The following PIBF1 variants were observed in gnomAD, a reference collection of about 807,000 sequenced individuals.
PIBF1 encodes the protein progesterone immunomodulatory binding factor 1, also known as progesterone-induced-blocking factor 1.
Under a neutral mutation model 112.5 loss-of-function variants are expected in PIBF1, and 90 were observed. The observed-to-expected ratio is 0.80, with a 90% CI of 0.67 to 0.95. PIBF1 has a LOEUF of 0.95. PIBF1 is among the 40% of genes least tolerant of loss of function. The probability of loss-of-function intolerance (pLI) is 0.00; values close to 1 mark genes in which losing one functional copy is unlikely to be tolerated. For missense variants in PIBF1, 915 were observed against 852.3 expected, an observed-to-expected ratio of 1.07 and a Z score of -0.92; for synonymous variants, 301 against 288.6, an observed-to-expected ratio of 1.04 and a Z score of -0.44.
intron 9 of PIBF1, among the ~76,000 whole-genome samples, chr13:72,850,784 AT>A (rs1370654441): frequency 7.2e-6 from 1 of 138,416 alleles, no homozygotes; most frequent in Non-Finnish European, 1.6e-5. Flanking sequence ...TATAACATTA[AT>A]TTTTTATGTT....
intron 14 of PIBF1, among the ~76,000 whole-genome samples, chr13:72,954,344 G>C (rs1247914065): frequency 6.6e-6 from 1 of 152,206 alleles, no homozygotes; most frequent in African/African-American, 2.4e-5. Flanking sequence ...AAGCAGGGGC[G>C]CCCAACTTCT....
At position 72,827,945 on chromosome 13, in the gene PIBF1, GA is replaced by G. The variant is rs2036900442; in HGVS notation, c.1097+32del. 1.0e-5 allele frequency: 15 copies of G among 1,449,172 alleles called. No individual in the cohort carries two copies. In the East Asian group the frequency reaches 3.6e-4, roughly 35 times the overall value. 89.8% of individuals were successfully genotyped at this position (1,449,172 alleles called of 1,614,324 possible). On this transcript the variant is annotated intron_variant, in intron 8 of 17. Transcript: ENST00000326291. ...ATTTGCATTATTTCCCACGTAAATA[GA>G]TACCAATTAACAGATTTTCTTTGAG... is the stretch of plus-strand genomic sequence containing the variant.
intron 12 of PIBF1, among the ~76,000 whole-genome samples, chr13:72,910,346 CTCA>C (rs1485459708): frequency 3.3e-5 from 5 of 152,088 alleles, no homozygotes; most frequent in African/African-American, 2.4e-5. Flanking sequence ...CATGATTAGA[CTCA>C]TGTTTATCTT....
At chr13:72,985,177 A>G (rs2043245095) in intron 16 of PIBF1, among the ~76,000 whole-genome samples, 1 of 152,136 alleles carries the variant, frequency 6.6e-6, no homozygotes, top group Non-Finnish European at 1.5e-5. Context: ...GGAGACACAC[A>G]CACAAAAAAA....
chr13:72,981,218 C>G (rs2043148499), intron 16 of PIBF1, among the ~76,000 whole-genome samples: 1 of 151,644 alleles, frequency 6.6e-6, no homozygotes, highest in Non-Finnish European at 1.5e-5. Flanking sequence ...TGCCACTGCA[C>G]TCCAGCCTGG....
chr13:72,826,040 T>TAA (rs1384044847), intron 6 of PIBF1, among the ~76,000 whole-genome samples: 169 of 121,270 alleles, frequency 1.4e-3, no homozygotes, highest in African/African-American at 4.5e-3. Flanking sequence ...CCCCATCTCA[T>TAA]AAAAAAAAAA....
At chr13:72,876,079 G>T (rs1269827717) in intron 10 of PIBF1, among the ~76,000 whole-genome samples, 1 of 138,758 alleles carries the variant, frequency 7.2e-6, no homozygotes, top group African/African-American at 2.7e-5. Flanking sequence ...TTACATTTAG[G>T]TATATGATTT....
At chr13:72,844,762 C>CTT (rs375548034) in intron 9 of PIBF1, among the ~76,000 whole-genome samples, 1 of 125,922 alleles carries the variant, frequency 7.9e-6, no homozygotes, top group African/African-American at 3.1e-5. Flanking sequence ...CACACACACA[C>CTT]ACACACACAC....
intron 13 of PIBF1, among the ~76,000 whole-genome samples, chr13:72,927,984 TATATACACAC>T (rs2041560764): frequency 1.6e-5 from 1 of 62,926 alleles, no homozygotes; most frequent in African/African-American, 7.0e-5. Context: ...TATACATATA[TATATACACAC>T]ACATATATAT....
At chr13:72,821,333 A>G (rs2036548624) in intron 5 of PIBF1, among the ~76,000 whole-genome samples, 1 of 152,184 alleles carries the variant, frequency 6.6e-6, no homozygotes, top group South Asian at 2.1e-4. Context: ...GGGAAGAACA[A>G]TGTAAAGATG....
At position 72,828,736 on chromosome 13, in the gene PIBF1, T is replaced by C. The variant is rs550999072; in HGVS notation, c.1097+822T>C. Among the ~76,000 whole-genome samples, 3 of 152,346 alleles carry C rather than the reference T, an allele frequency of 2.0e-5. No homozygotes were observed. In the South Asian group the frequency reaches 6.2e-4, roughly 32 times the overall value. ...TTTGCTATTGTGAACAGTGCTGCAG[T>C]AAACATACGTGTGCATGTGTCTTTT... On this transcript the variant is annotated intron_variant, in intron 8 of 17. Transcript: ENST00000326291.
chr13:72,980,973 G>A (rs1298819728), intron 16 of PIBF1, among the ~76,000 whole-genome samples: 2 of 152,014 alleles, frequency 1.3e-5, no homozygotes, highest in East Asian at 1.9e-4. Flanking sequence ...AGCCAGGCAC[G>A]GTGGCTCACG....
intron 17 of PIBF1, among the ~76,000 whole-genome samples, chr13:73,007,122 A>G (rs1159312432): frequency 6.6e-6 from 1 of 151,814 alleles, no homozygotes; most frequent in Non-Finnish European, 1.5e-5. Flanking sequence ...GACCCTACTC[A>G]GTTAAATGGT....
At chr13:72,892,732 A>G (rs185911570) in intron 10 of PIBF1, among the ~76,000 whole-genome samples, 46 of 150,952 alleles carry the variant, frequency 3.0e-4, no homozygotes, top group African/African-American at 1.1e-3. Context: ...CCCTGCATAT[A>G]ACTCACATTT....
Position 72,893,856 on chromosome 13 carries a change from T to G in PIBF1, c.1395T>G (p.Phe465Leu), listed in dbSNP as rs1345611127. The change falls in exon 11 of 18, where the codon TTT becomes TTG. Residue 465 changes from phenylalanine to leucine, a missense_variant. Coordinates refer to ENST00000326291, the MANE Select transcript of PIBF1 (RefSeq NM_006346.4). ...EFLHQSKLKS[F>L]ESERVQLLQE... Reference sequence around the variant, plus strand: ...TCCATCAAAGTAAATTAAAATCTTTTGAAAGTGAGCGTGTTCAACTTCTGC... The same window carrying G: ...TCCATCAAAGTAAATTAAAATCTTTGGAAAGTGAGCGTGTTCAACTTCTGC... 1 of 1,606,528 alleles carries G rather than the reference T, an allele frequency of 6.2e-7. No homozygotes were observed. Among genetic ancestry groups the G allele is most frequent in the Non-Finnish European group, 8.5e-7 (1 of 1,175,938 alleles).
chr13:72,877,722 ACT>A (rs914741609), intron 10 of PIBF1, among the ~76,000 whole-genome samples: 1 of 148,446 alleles, frequency 6.7e-6, no homozygotes, highest in Non-Finnish European at 1.5e-5. Context: ...AATAATGACC[ACT>A]GTTTCATTTC....
chr13:72,932,571 C>T (rs963522557), intron 14 of PIBF1, among the ~76,000 whole-genome samples: 1 of 152,090 alleles, frequency 6.6e-6, no homozygotes, highest in African/African-American at 2.4e-5. Context: ...TGGCTTGTAT[C>T]TCTTTTATAA....
intron 16 of PIBF1, among the ~76,000 whole-genome samples, chr13:72,995,778 C>G (rs1317477633): frequency 6.6e-6 from 1 of 151,736 alleles, no homozygotes; most frequent in East Asian, 2.0e-4. Flanking sequence ...GGTGAAACCC[C>G]GTCTCTATTA....
intron 16 of PIBF1, among the ~76,000 whole-genome samples, chr13:72,985,996 A>AATT (rs1566519595): frequency 6.6e-6 from 1 of 151,760 alleles, no homozygotes; most frequent in African/African-American, 2.4e-5. Flanking sequence ...AGAAAAAAAA[A>AATT]TTTTTTAAAA....
Sources: allele counts gnomAD v4.1 joint callset (sites outside exome capture counted in the v4.1 genomes callset), GRCh38; gene constraint gnomAD v4.1.1; transcripts MANE v1.5; gene names NCBI Gene and HGNC (gene_info 2026-07-23, HGNC 2026-07-21).